PGM5: variants seen among roughly 807,000 people sequenced by gnomAD.
PGM5 encodes phosphoglucomutase-like protein 5.
In PGM5, 23 loss-of-function variants were observed where a neutral mutation model predicts 59.2. The observed-to-expected ratio is 0.39, with a 90% confidence interval of 0.28 to 0.55. PGM5 has a LOEUF of 0.55. PGM5 is among the 20% of genes least tolerant of loss of function. The probability of loss-of-function intolerance (pLI) is 0.66; values close to 1 mark genes in which losing one functional copy is unlikely to be tolerated. For synonymous variants in PGM5, 214 were observed against 286.0 expected, an observed-to-expected ratio of 0.75 and a Z score of 2.54; for missense variants, 574 against 748.3, an observed-to-expected ratio of 0.77 and a Z score of 2.72.
chr9:68,525,987 C>T (rs1041070477), intron 10 of PGM5, among the ~76,000 whole-genome samples: 2 of 151,418 alleles, frequency 1.3e-5, no homozygotes, highest in East Asian at 1.9e-4. Context: ...ACCCGGGAGG[C>T]GGAGCTTGCA....
chr9:68,409,594 A>C (rs1554681450), intron 6 of PGM5, among the ~76,000 whole-genome samples: 1 of 126,906 alleles, frequency 7.9e-6, no homozygotes, highest in African/African-American at 3.0e-5. Context: ...ATGAAATTGG[A>C]AATCATCATT....
intron 9 of PGM5, among the ~76,000 whole-genome samples, chr9:68,486,770 A>G (rs782731907): frequency 4.6e-5 from 7 of 152,118 alleles, no homozygotes; most frequent in African/African-American, 1.4e-4. Context: ...TAGGTTTTCA[A>G]TTCTCCTGGG....
chr9:68,503,153 TTTTG>T (rs1216690100), intron 10 of PGM5, among the ~76,000 whole-genome samples: 1 of 152,214 alleles, frequency 6.6e-6, no homozygotes, highest in Non-Finnish European at 1.5e-5. Context: ...TATAGAGCCA[TTTTG>T]TTTTACATAG....
At chr9:68,471,702 T>C (rs1276759202) in intron 7 of PGM5, among the ~76,000 whole-genome samples, 2 of 151,772 alleles carry the variant, frequency 1.3e-5, no homozygotes, top group African/African-American at 4.8e-5. Context: ...GGTGAACTCC[T>C]GAGGTCAGGA....
chr9:68,410,484 TTAGAC>T lies in PGM5; in HGVS notation c.1043+18014_1043+18018del, dbSNP rs560793520. Among the ~76,000 whole-genome samples the T allele has an allele frequency of 5.6e-3, 855 of 152,234 alleles. 6 individuals carry two copies. Among genetic ancestry groups the T allele is most frequent in the Middle Eastern group, 0.024 (7 of 294 alleles). On this transcript the variant is annotated intron_variant, in intron 6 of 10. Transcript: ENST00000396396. ...AATATTTGATCGTTAATTTTTTTCTTTAGACTAAATAATTTAGGATGCTGACATAA... is the reference window on the plus strand; with the variant it reads ...AATATTTGATCGTTAATTTTTTTCTTTAAATAATTTAGGATGCTGACATAA...
At chr9:68,479,682 C>T (rs1824161915) in intron 8 of PGM5, 129 bp downstream of exon 8, 1 of 831,666 alleles carries the variant, frequency 1.2e-6, no homozygotes, top group Non-Finnish European at 1.8e-6. Flanking sequence ...CGCCTGTAAT[C>T]CCAGCACTTT....
chr9:68,499,754 T>C (rs1824542795), intron 10 of PGM5, among the ~76,000 whole-genome samples: 1 of 152,212 alleles, frequency 6.6e-6, no homozygotes, highest in Non-Finnish European at 1.5e-5. Flanking sequence ...ATTTGGACCA[T>C]GACCTTGAGG....
At chr9:68,443,651 C>T (rs181444329) in intron 6 of PGM5, among the ~76,000 whole-genome samples, 1 of 152,198 alleles carries the variant, frequency 6.6e-6, no homozygotes, top group Non-Finnish European at 1.5e-5. Context: ...TTTGGAGAAT[C>T]ACAGTAAAGG....
intron 6 of PGM5, among the ~76,000 whole-genome samples, chr9:68,406,676 ATG>A (rs1334421224): frequency 0.43 from 3,079 of 7,220 alleles, 596 homozygotes; most frequent in Non-Finnish European, 0.47. Flanking sequence ...ATATATATAT[ATG>A]TATATATATA....
rs1328428424 is a variant in PGM5 at position 68,437,416 on chromosome 9, G to C, written c.1044-27677G>C. On this transcript the variant is annotated intron_variant, in intron 6 of 10. Transcript: ENST00000396396. The surrounding 1 kb of genome is among the most constrained non-coding windows in gnomAD (Gnocchi z 4.1). ...AAAGCCTCAGGGAGCCCAATGCTTA[G>C]GCAACAGTCTACAAGTTGGTGAATA... Among the ~76,000 whole-genome samples, 1 of 152,190 alleles carries C rather than the reference G, an allele frequency of 6.6e-6. No individual in the cohort carries two copies. The highest frequency in any genetic ancestry group is 2.4e-5 in the African/African-American group (1 of 41,448).
rs1329162896 is a variant in PGM5, at chr9:68,387,666, A to G, written c.697+78A>G. 9 of 1,414,510 alleles carry G rather than the reference A, an allele frequency of 6.4e-6. No individual in the cohort carries two copies. In the Admixed American group the frequency reaches 1.2e-4, roughly 18 times the overall value. The allele number at this position is 1,414,510 out of a possible 1,614,324, so 87.6% of individuals were successfully genotyped here. ...CACCTGTTGGGTTTCAGAGGTTAAG[A>G]GGAAAGTTGGATTCATAGATATTCA... On this transcript the variant is annotated intron_variant, in intron 4 of 10. Coordinates refer to ENST00000396396, the MANE Select transcript of PGM5 (RefSeq NM_021965.4).
chr9:68,504,990 TA>T (rs1824632485), intron 10 of PGM5, among the ~76,000 whole-genome samples: 1 of 152,198 alleles, frequency 6.6e-6, no homozygotes, highest in East Asian at 1.9e-4. Context: ...TTGAATAAAA[TA>T]AATGCCATTT....
At chr9:68,446,945 G>A (rs957205787) in intron 6 of PGM5, among the ~76,000 whole-genome samples, 2 of 152,140 alleles carry the variant, frequency 1.3e-5, no homozygotes, top group Admixed American at 6.5e-5. Flanking sequence ...TGTAATACTT[G>A]ACCTTATAAG....
chr9:68,374,160 T>G (rs1821815173), intron 1 of PGM5, among the ~76,000 whole-genome samples: 1 of 152,234 alleles, frequency 6.6e-6, no homozygotes, highest in African/African-American at 2.4e-5. Context: ...TATACAATCT[T>G]CATAATTTTC....
chr9:68,457,525 A>G (rs1283335486), intron 6 of PGM5, among the ~76,000 whole-genome samples: 4 of 152,230 alleles, frequency 2.6e-5, no homozygotes, highest in African/African-American at 9.6e-5. Context: ...ATCCATTTAT[A>G]GTTGCTGTAT....
rs1487776003 is a variant in PGM5, at chr9:68,529,556, T to C, written c.1615-11T>C. ...TTGAGTTGTTCACAGACTTTCCTTTTCCTTTTGCAGGCAGTGCTGAGCCCT... is the reference window on the plus strand; with the variant it reads ...TTGAGTTGTTCACAGACTTTCCTTTCCCTTTTGCAGGCAGTGCTGAGCCCT... On this transcript the variant is annotated splice_polypyrimidine_tract_variant and intron_variant, in intron 10 of 10. Transcript: ENST00000396396. 5.7e-6 allele frequency: 9 copies of C among 1,577,128 alleles called. No individual in the cohort carries two copies. The highest frequency in any genetic ancestry group is 2.7e-5 in the African/African-American group (2 of 74,252).
chr9:68,406,900 A>G (rs1227483482), intron 6 of PGM5, among the ~76,000 whole-genome samples: 1 of 150,942 alleles, frequency 6.6e-6, no homozygotes, highest in Non-Finnish European at 1.5e-5. Flanking sequence ...GGCTGTGCTC[A>G]GGCCCCGTCT....
At chr9:68,367,103 GCACA>G (rs1412943861) in intron 1 of PGM5, among the ~76,000 whole-genome samples, 5 of 152,060 alleles carry the variant, frequency 3.3e-5, no homozygotes, top group African/African-American at 4.8e-5. Flanking sequence ...TCACACTCAT[GCACA>G]CACAAACACA....
intron 6 of PGM5, among the ~76,000 whole-genome samples, chr9:68,407,288 T>C (rs1554681225): frequency 1.3e-5 from 2 of 152,072 alleles, no homozygotes; most frequent in African/African-American, 4.8e-5. Context: ...CCACCCTACC[T>C]GGCTAATTTT....
Sources: gnomAD v4.1 joint callset for allele counts (sites outside exome capture counted in the v4.1 genomes callset) on GRCh38, gnomAD v4.1.1 for gene constraint, Gnocchi (gnomAD v3.1) non-coding constraint, MANE v1.5 for transcripts, NCBI Gene and HGNC (gene_info 2026-07-23, HGNC 2026-07-21) for gene names.